The following KAZN variants were observed in gnomAD, a reference collection of about 807,000 sequenced individuals.
The protein encoded by KAZN is kazrin.
A neutral mutation model predicts 87.4 loss-of-function variants in KAZN; 40 were observed. The ratio of observed to expected loss-of-function variants is 0.46; its 90% CI spans 0.36 to 0.60. KAZN has a LOEUF of 0.60. KAZN is among the 20% of genes least tolerant of loss of function. The probability of loss-of-function intolerance (pLI) is 0.00; values close to 1 mark genes in which losing one functional copy is unlikely to be tolerated. For missense variants in KAZN, 898 were observed against 1,073.9 expected (o/e 0.84, Z 2.29); for synonymous variants, 466 against 458.3 (o/e 1.02, Z -0.22).
At chr1:14,019,901 C>T (rs1640744317) in intron 1 of KAZN, among the ~76,000 whole-genome samples, 1 of 152,118 alleles carries the variant, frequency 6.6e-6, no homozygotes, top group African/African-American at 2.4e-5. Context: ...GATTCAAGCA[C>T]ATTACATTTA....
chr1:14,173,839 G>A (rs900826136), intron 1 of KAZN, among the ~76,000 whole-genome samples: 2 of 152,088 alleles, frequency 1.3e-5, no homozygotes, highest in Non-Finnish European at 2.9e-5. Flanking sequence ...CCCACCTCAG[G>A]GACTTGGGAG....
intron 2 of KAZN, among the ~76,000 whole-genome samples, chr1:14,203,236 G>A (rs1284194712): frequency 6.6e-6 from 1 of 152,126 alleles, no homozygotes; most frequent in Admixed American, 6.5e-5. Context: ...GAAGAGTGGA[G>A]TGCGAGAGGA....
chr1:14,706,132 G>T (rs962804669), intron 1 of KAZN, among the ~76,000 whole-genome samples: 2 of 152,134 alleles, frequency 1.3e-5, no homozygotes, highest in Non-Finnish European at 2.9e-5. Context: ...GGAGAATTGA[G>T]AATCTAATGC....
intron 1 of KAZN, among the ~76,000 whole-genome samples, chr1:14,161,135 G>C (rs1242490498): frequency 6.6e-6 from 1 of 152,238 alleles, no homozygotes; most frequent in Non-Finnish European, 1.5e-5. Context: ...GTCTTGTCAG[G>C]TTATTGGAGC....
At chr1:14,519,760 G>A (rs1671486111) in intron 2 of KAZN, among the ~76,000 whole-genome samples, 1 of 152,172 alleles carries the variant, frequency 6.6e-6, no homozygotes, top group African/African-American at 2.4e-5. Flanking sequence ...TCCAGCCCAT[G>A]GATGACCTGA....
intron 1 of KAZN, among the ~76,000 whole-genome samples, chr1:14,659,601 T>G (rs779577531): frequency 1.3e-5 from 2 of 152,196 alleles, no homozygotes; most frequent in Non-Finnish European, 2.9e-5. Flanking sequence ...ACTACCACCT[T>G]GGTTCTGTGT....
chr1:15,024,981 G>T (rs1189632132), intron 2 of KAZN, among the ~76,000 whole-genome samples: 1 of 152,130 alleles, frequency 6.6e-6, no homozygotes, highest in East Asian at 1.9e-4. Context: ...GACAGGCAAA[G>T]AAAAACAAGA....
Position 14,130,521 on chromosome 1 carries a change from C to G in KAZN, c.92-49914C>G, listed in dbSNP as rs537072090. 1.2e-4 allele frequency among the ~76,000 whole-genome samples: 16 copies of G among 132,938 alleles called. 1 individual carries two copies. The South Asian group carries it at 2.5e-3, about 21-fold the overall frequency. 87.2% of individuals were successfully genotyped at this position (132,938 alleles called of 152,430 possible). A position where few individuals can be genotyped will look rare whatever the true frequency, so the allele number is the denominator to read the frequency against. ...AAAAATAAATATTAATGTAGCATGT[C>G]TTGTGGGAGCAGGTCTTTTGGGGTG... On this transcript the variant is annotated intron_variant, in intron 1 of 16. Transcript: ENST00000636203.
chr1:14,165,129 T>C (rs560877111), intron 1 of KAZN, among the ~76,000 whole-genome samples: 1 of 152,304 alleles, frequency 6.6e-6, no homozygotes, highest in South Asian at 2.1e-4. Flanking sequence ...GTGTCATGTG[T>C]ACATAGCTAG....
chr1:14,983,802 C>T (rs533146410), intron 2 of KAZN, among the ~76,000 whole-genome samples: 2 of 151,822 alleles, frequency 1.3e-5, no homozygotes, highest in Non-Finnish European at 2.9e-5. Context: ...ATAAGCTGGG[C>T]GTGGTGGCAC....
At chr1:14,168,502 G>C (rs571887838) in intron 1 of KAZN, among the ~76,000 whole-genome samples, 2 of 152,302 alleles carry the variant, frequency 1.3e-5, no homozygotes, top group African/African-American at 2.4e-5. Context: ...TGTTCCATTA[G>C]AGGTGGCCTT....
chr1:15,100,611 C>G (rs1197741611), intron 10 of KAZN, among the ~76,000 whole-genome samples: 1 of 152,212 alleles, frequency 6.6e-6, no homozygotes, highest in Non-Finnish European at 1.5e-5. Context: ...CTTGAAAATT[C>G]AAGCACTTGC....
chr1:14,792,991 A>AAAG (rs1017565556), intron 1 of KAZN, among the ~76,000 whole-genome samples: 4 of 151,416 alleles, frequency 2.6e-5, no homozygotes, highest in African/African-American at 9.7e-5. Flanking sequence ...AAAAAAAAAA[A>AAAG]CATTCAGGAC....
intron 1 of KAZN, among the ~76,000 whole-genome samples, chr1:14,873,800 G>A (rs1652447423): frequency 6.6e-6 from 1 of 152,182 alleles, no homozygotes; most frequent in African/African-American, 2.4e-5. Context: ...CTGGGACCAG[G>A]GAGAGAGCAG....
intron 1 of KAZN, among the ~76,000 whole-genome samples, chr1:14,058,270 C>T (rs373440503): frequency 2.0e-5 from 3 of 152,116 alleles, no homozygotes; most frequent in African/African-American, 7.2e-5. Context: ...TACCTTTAGT[C>T]TGAGAGGAAT....
At chr1:14,257,959 T>TAAAAA (rs1168366132) in intron 2 of KAZN, among the ~76,000 whole-genome samples, 2 of 28,742 alleles carry the variant, frequency 7.0e-5, no homozygotes, top group Non-Finnish European at 1.7e-4. Context: ...AAAAAAACAT[T>TAAAAA]AAAAAAAAAA....
chr1:14,724,719 G>A (rs943805686), intron 1 of KAZN, among the ~76,000 whole-genome samples: 13 of 152,352 alleles, frequency 8.5e-5, no homozygotes, highest in Admixed American at 8.5e-4. Context: ...GTCTTTTGGA[G>A]TGTGTTCCCC....
intron 2 of KAZN, among the ~76,000 whole-genome samples, chr1:14,386,757 C>A (rs1326920291): frequency 2.0e-5 from 3 of 151,904 alleles, no homozygotes; most frequent in African/African-American, 7.3e-5. Context: ...TTTTTTCCTT[C>A]ATTTCAACTT....
chr1:14,668,896 G>A (rs1639741756), intron 1 of KAZN, among the ~76,000 whole-genome samples: 1 of 152,198 alleles, frequency 6.6e-6, no homozygotes, highest in Non-Finnish European at 1.5e-5. Flanking sequence ...TATTGAAAAG[G>A]AGTTTGCGTT....
Sources: allele counts gnomAD v4.1 joint callset (sites outside exome capture counted in the v4.1 genomes callset), GRCh38; gene constraint gnomAD v4.1.1; transcripts MANE v1.5; gene names NCBI Gene and HGNC (gene_info 2026-07-23, HGNC 2026-07-21).